The following NPSR1 variants were observed in gnomAD, a reference collection of about 807,000 sequenced individuals.
NPSR1 encodes the protein neuropeptide S receptor 1.
NPSR1 carries 48 observed loss-of-function variants against 46.9 expected under a neutral mutation model. The ratio of observed to expected loss-of-function variants is 1.02; its 90% CI spans 0.81 to 1.30. The LOEUF (loss-of-function observed/expected upper bound fraction) is 1.30, where lower values mean the gene tolerates loss of function less well. Among genes scored for constraint, NPSR1 ranks in the 50% most tolerant of loss-of-function variants. The probability of loss-of-function intolerance (pLI) is 0.00; values close to 1 mark genes in which losing one functional copy is unlikely to be tolerated. For missense variants in NPSR1, 450 were observed against 449.5 expected (o/e 1.00, Z -0.01); for synonymous variants, 176 against 168.1 (o/e 1.05, Z -0.36).
In NPSR1 at chr7:34,844,909, C is replaced by T; in HGVS notation, c.771C>T (p.Cys257=). The T allele has an allele frequency of 6.2e-7, 1 of 1,606,992 alleles. No individual in the cohort carries two copies. The highest frequency in any genetic ancestry group is 8.5e-7 in the Non-Finnish European group (1 of 1,173,596). The stretch of plus-strand genomic sequence containing the variant: ...TTGTATCTACAGATGGGAAACTGTG[C>T]AGCAGCTATAACCGAGGACTCATCT... ...VISNCSDGKL[C]SSYNRGLISK... is the part of the protein sequence containing the mutation. Residue 257 remains cysteine (C), a synonymous_variant, in exon 7 of 9, where the codon TGC becomes TGT. Coordinates refer to ENST00000360581, the MANE Select transcript of NPSR1 (RefSeq NM_207172.2).
intron 2 of NPSR1, among the ~76,000 whole-genome samples, chr7:34,692,052 G>T (rs1362113146): frequency 6.6e-6 from 1 of 152,136 alleles, no homozygotes; most frequent in Non-Finnish European, 1.5e-5. Context: ...GATTGTGTGA[G>T]TGCAGGAGTT....
At chr7:34,691,824 T>C (rs1249986933) in intron 2 of NPSR1, among the ~76,000 whole-genome samples, 1 of 151,952 alleles carries the variant, frequency 6.6e-6, no homozygotes, top group African/African-American at 2.4e-5. Flanking sequence ...ACAAAAAATC[T>C]CTGGACTTAT....
chr7:34,663,081 G>GTGTGTGTGTT (rs1554301939), intron 1 of NPSR1, among the ~76,000 whole-genome samples: 5 of 76,334 alleles, frequency 6.6e-5, no homozygotes, highest in African/African-American at 1.4e-4. Context: ...GTGTGTGTGT[G>GTGTGTGTGTT]TATGTGTGTG....
chr7:34,863,035 T>C (rs879780598), intron 8 of NPSR1, among the ~76,000 whole-genome samples: 11 of 151,718 alleles, frequency 7.3e-5, no homozygotes, highest in Non-Finnish European at 4.4e-5. Context: ...AAAACAGATA[T>C]GTAGACCTAT....
At chr7:34,804,598 G>T (rs1224737383) in intron 3 of NPSR1, among the ~76,000 whole-genome samples, 1 of 151,994 alleles carries the variant, frequency 6.6e-6, no homozygotes, top group South Asian at 2.1e-4. Flanking sequence ...AGGTGCTTTT[G>T]TCCTAAGACT....
At chr7:34,662,084 A>G (rs1365190548) in intron 1 of NPSR1, among the ~76,000 whole-genome samples, 2 of 152,220 alleles carry the variant, frequency 1.3e-5, no homozygotes, top group African/African-American at 4.8e-5. Flanking sequence ...ACCTGTCTTG[A>G]TTAGTGAATT....
intron 2 of NPSR1, among the ~76,000 whole-genome samples, chr7:34,718,445 G>T (rs1783682273): frequency 6.6e-6 from 1 of 152,104 alleles, no homozygotes; most frequent in Admixed American, 6.5e-5. Context: ...CCCCCGAAGG[G>T]GTCCCAGAGA....
intron 1 of NPSR1, among the ~76,000 whole-genome samples, chr7:34,661,935 T>A (rs1242509456): frequency 6.6e-6 from 1 of 152,190 alleles, no homozygotes; most frequent in African/African-American, 2.4e-5. Flanking sequence ...GGTATCTGAA[T>A]ATAAGGCTGT....
chr7:34,849,802 C>G lies in NPSR1; in HGVS notation c.*147C>G. ...ATGCACAAGACAAATGTTCTAATGA[C>G]TGCATGCACTGCTTAAGTATTGGCC... On this transcript the variant is annotated 3_prime_UTR_variant, in exon 9 of 9. Transcript: ENST00000360581. The G allele has an allele frequency of 6.9e-7, 1 of 1,449,794 alleles. No homozygotes were observed. The highest frequency in any genetic ancestry group is 9.1e-7 in the Non-Finnish European group (1 of 1,102,914). The allele number at this position is 1,449,794 out of a possible 1,614,324, so 89.8% of individuals were successfully genotyped here. A position where few individuals can be genotyped will look rare whatever the true frequency, so the allele number is the denominator to read the frequency against.
chr7:34,866,974 A>G (rs1791328859), intron 8 of NPSR1, among the ~76,000 whole-genome samples: 1 of 151,686 alleles, frequency 6.6e-6, no homozygotes, highest in Non-Finnish European at 1.5e-5. Flanking sequence ...GGGAGAACTA[A>G]AGCCAGGCCT....
intron 2 of NPSR1, chr7:34,711,513 G>C (rs1264199241): frequency 1.3e-5 from 2 of 152,032 alleles, no homozygotes; most frequent in Non-Finnish European, 2.9e-5. Flanking sequence ...TTGTAATCTT[G>C]TCAGTTAATA....
chr7:34,792,724 T>C (rs865897160), intron 3 of NPSR1, among the ~76,000 whole-genome samples: 1 of 131,896 alleles, frequency 7.6e-6, no homozygotes, highest in South Asian at 2.2e-4. Context: ...TTTATATATA[T>C]ATATATATAT....
chr7:34,852,314 A>C (rs1208719222), downstream of NPSR1, among the ~76,000 whole-genome samples: 1 of 146,096 alleles, frequency 6.8e-6, no homozygotes, highest in Non-Finnish European at 1.5e-5. Context: ...AAAGAGAGAA[A>C]GAGAGAAAGA....
At chr7:34,762,070 C>G (rs1427892868) in intron 2 of NPSR1, among the ~76,000 whole-genome samples, 1 of 152,136 alleles carries the variant, frequency 6.6e-6, no homozygotes, top group Non-Finnish European at 1.5e-5. Context: ...GTAAGTTTTA[C>G]GAGGACTTGG....
At chr7:34,863,975 C>G (rs1458079260) in intron 8 of NPSR1, among the ~76,000 whole-genome samples, 5 of 151,718 alleles carry the variant, frequency 3.3e-5, no homozygotes, top group Non-Finnish European at 2.9e-5. Context: ...GGAACCAACC[C>G]AAATGTCCAT....
intron 2 of NPSR1, among the ~76,000 whole-genome samples, chr7:34,687,954 A>G (rs990561802): frequency 6.6e-5 from 10 of 152,220 alleles, no homozygotes; most frequent in Non-Finnish European, 1.3e-4. Context: ...AGAAACTGGA[A>G]GGCTGAAAAC....
At chr7:34,811,515 G>A (rs1319179149) in intron 3 of NPSR1, among the ~76,000 whole-genome samples, 2 of 152,140 alleles carry the variant, frequency 1.3e-5, no homozygotes, top group East Asian at 3.9e-4. Flanking sequence ...ACAAAAACAG[G>A]AATACCTGTT....
chr7:34,801,730 A>T (rs1006107065), intron 3 of NPSR1, among the ~76,000 whole-genome samples: 1 of 148,058 alleles, frequency 6.8e-6, no homozygotes. Context: ...GCAATTAGGC[A>T]GGAGAAGGAA....
intron 3 of NPSR1, among the ~76,000 whole-genome samples, chr7:34,809,208 AC>A (rs1467287000): frequency 6.6e-6 from 1 of 150,560 alleles, no homozygotes; most frequent in East Asian, 1.9e-4. Context: ...ACAGGTAGAA[AC>A]CCCAGTTTTG....
Sources: gnomAD v4.1 joint callset for allele counts (sites outside exome capture counted in the v4.1 genomes callset) on GRCh38, gnomAD v4.1.1 for gene constraint, MANE v1.5 for transcripts, NCBI Gene and HGNC (gene_info 2026-07-23, HGNC 2026-07-21) for gene names.